The following AACS variants were observed in gnomAD, a reference collection of about 807,000 sequenced individuals.
The protein encoded by AACS is acetoacetyl-CoA synthetase, also known as acetoacetate-CoA ligase.
In AACS, 69 loss-of-function variants were observed where a neutral mutation model predicts 83.1. That is an observed-to-expected ratio of 0.83 (90% CI 0.68 to 1.01). The LOEUF is 1.01. Ranked by LOEUF, AACS falls within the 50% of genes least tolerant of loss-of-function variation. The pLI is 0.00. For missense variants in AACS, 866 were observed against 882.2 expected (o/e 0.98, Z 0.23); for synonymous variants, 333 against 343.4 (o/e 0.97, Z 0.33).
At chr12:125,082,807 C>A (rs377223060) in intron 3 of AACS, among the ~76,000 whole-genome samples, 1 of 151,778 alleles carries the variant, frequency 6.6e-6, no homozygotes, top group Admixed American at 6.6e-5. Context: ...GGTGACAGAG[C>A]GAGACTCTGT....
At chr12:125,141,696 C>CA (rs60837088) in intron 17 of AACS, 703 of 60,298 alleles carry the variant, frequency 0.012, 5 homozygotes, top group African/African-American at 0.017. Flanking sequence ...GACTCTGTCT[C>CA]AAAAAAAAAA....
chr12:125,101,291 G>T (rs2136090125), intron 5 of AACS: 1 of 152,348 alleles, frequency 6.6e-6, no homozygotes, highest in Non-Finnish European at 1.5e-5. Context: ...CCAAGAACAA[G>T]CCCATGCCTG....
chr12:125,075,275 A>T (rs931125146), intron 2 of AACS, among the ~76,000 whole-genome samples: 1 of 151,220 alleles, frequency 6.6e-6, no homozygotes, highest in East Asian at 2.0e-4. Flanking sequence ...GCCCGGCATT[A>T]GTTTTTTAAA....
rs747875491 is a variant in AACS at position 125,114,488 on chromosome 12, C to T, written c.927C>T (p.Ile309=). ...CMVHSAGGTL[I]QHLKEHLLHG... is the part of the protein sequence containing the mutation. ...TGTCTCCCCTGCAGGGCACCCTCAT[C>T]CAGCATCTGAAGGAGCACCTGCTGC... Residue 309 remains isoleucine (I), a synonymous_variant, in exon 9 of 18, where the codon ATC becomes ATT. Coordinates refer to ENST00000316519, the MANE Select transcript of AACS (RefSeq NM_023928.5). 5 of 1,613,296 alleles carry T rather than the reference C, an allele frequency of 3.1e-6. No individual in the cohort carries two copies. Among genetic ancestry groups the T allele is most frequent in the Non-Finnish European group, 4.2e-6 (5 of 1,179,674 alleles).
In AACS at chr12:125,128,282, C is replaced by T. The variant is rs772930558; in HGVS notation, c.1423+8C>T. ...AAGCGTGGAACGAGGAAGGTGATGG[C>T]TCCACCAACTGTTTCTTTCTGTGAT... is the stretch of plus-strand genomic sequence containing the variant. On this transcript the variant is annotated splice_region_variant and intron_variant, in intron 13 of 17. Transcript: ENST00000316519. 1 of 1,606,878 alleles carries T rather than the reference C, an allele frequency of 6.2e-7. No individual in the cohort carries two copies. The highest frequency in any genetic ancestry group is 1.1e-5 in the South Asian group (1 of 90,196).
At chr12:125,095,141 A>G (rs1592966170) in intron 5 of AACS, among the ~76,000 whole-genome samples, 1 of 152,238 alleles carries the variant, frequency 6.6e-6, no homozygotes, top group East Asian at 1.9e-4. Context: ...TTCAGGTCAG[A>G]CACATGTTCA....
intron 13 of AACS, 95 bp downstream of exon 13, chr12:125,128,369 C>A: frequency 8.9e-7 from 1 of 1,118,312 alleles, no homozygotes; most frequent in Non-Finnish European, 1.3e-6. Context: ...CATAGTTCTC[C>A]AAAACAGCCC....
chr12:125,089,174 C>T (rs1372552236), intron 4 of AACS, among the ~76,000 whole-genome samples: 2 of 152,236 alleles, frequency 1.3e-5, no homozygotes, highest in African/African-American at 2.4e-5. Flanking sequence ...ATAGCCAAGT[C>T]TCATCTTCGC....
chr12:125,070,837 C>A (rs774777149), intron 1 of AACS, among the ~76,000 whole-genome samples: 1 of 152,160 alleles, frequency 6.6e-6, no homozygotes, highest in East Asian at 1.9e-4. Flanking sequence ...TGTAGTCTGC[C>A]GTCTGGTTAG....
Position 125,107,232 on chromosome 12 carries a change from C to T in AACS, c.879C>T (p.Thr293=). ...HPLFIMFSSG[T]TGAPKCMVHS... is the part of the protein sequence containing the mutation. ...TGTTCATCATGTTCTCATCGGGCAC[C>T]ACGGGCGCACCCAAGTGCATGGTGC... The change falls in exon 8 of 18, where the codon ACC becomes ACT. Residue 293 remains threonine, a synonymous_variant. Transcript: ENST00000316519. 2 of 1,614,050 alleles carry T rather than the reference C, an allele frequency of 1.2e-6. No individual in the cohort carries two copies. Among genetic ancestry groups the T allele is most frequent in the Non-Finnish European group, 1.7e-6 (2 of 1,180,042 alleles).
intron 9 of AACS, among the ~76,000 whole-genome samples, chr12:125,115,385 T>G (rs1957036949): frequency 6.6e-6 from 1 of 151,654 alleles, no homozygotes; most frequent in Non-Finnish European, 1.5e-5. Context: ...CTCAGCCTCC[T>G]GAGTAGCTGG....
intron 1 of AACS, among the ~76,000 whole-genome samples, chr12:125,073,669 A>G (rs1955938830): frequency 6.6e-6 from 1 of 152,212 alleles, no homozygotes; most frequent in Admixed American, 6.5e-5. Context: ...GACTCAAAAC[A>G]TCACCGCCTC....
At chr12:125,087,961 C>G (rs1278356942) in intron 4 of AACS, among the ~76,000 whole-genome samples, 1 of 152,200 alleles carries the variant, frequency 6.6e-6, no homozygotes, top group African/African-American at 2.4e-5. Flanking sequence ...GTCGGGGTTG[C>G]CTCCTCAGAG....
At chr12:125,112,335 G>A (rs1365833806) in intron 8 of AACS, among the ~76,000 whole-genome samples, 4 of 152,166 alleles carry the variant, frequency 2.6e-5, no homozygotes, top group African/African-American at 7.2e-5. Flanking sequence ...AGGCAGCCTT[G>A]GGGGACTGCA....
At chr12:125,102,955 A>C (rs755304461) in intron 6 of AACS, 45 bp from the exon 7 acceptor site, 2 of 1,553,078 alleles carry the variant, frequency 1.3e-6, no homozygotes, top group Admixed American at 2.0e-5. Flanking sequence ...GCAGCCAAGC[A>C]TCTTTGTCCT....
At chr12:125,104,204 C>G (rs577546375) in intron 7 of AACS, among the ~76,000 whole-genome samples, 1 of 152,052 alleles carries the variant, frequency 6.6e-6, no homozygotes, top group South Asian at 2.1e-4. Context: ...AGCCTTGGGT[C>G]GGGGCCACTG....
chr12:125,127,954 C>A, intron 12 of AACS: 1 of 413,534 alleles, frequency 2.4e-6, no homozygotes, highest in Non-Finnish European at 4.3e-6. Flanking sequence ...AAACGTCAAT[C>A]ACCAGATGTG....
intron 7 of AACS, among the ~76,000 whole-genome samples, chr12:125,106,236 T>C (rs543195310): frequency 3.3e-5 from 5 of 152,354 alleles, no homozygotes; most frequent in Admixed American, 1.3e-4. Flanking sequence ...TGTTTTGAGA[T>C]GGATGTTGCT....
At chr12:125,077,769 A>G (rs1194192674) in intron 3 of AACS, among the ~76,000 whole-genome samples, 1 of 151,800 alleles carries the variant, frequency 6.6e-6, no homozygotes, top group African/African-American at 2.4e-5. Flanking sequence ...GCTGGAATGC[A>G]GTGATCTCAG....
Sources: gnomAD v4.1 joint callset for allele counts (sites outside exome capture counted in the v4.1 genomes callset) on GRCh38, gnomAD v4.1.1 for gene constraint, MANE v1.5 for transcripts, NCBI Gene and HGNC (gene_info 2026-07-23, HGNC 2026-07-21) for gene names.